The following CNKSR3 variants were observed in gnomAD, a reference collection of about 807,000 sequenced individuals.
The protein encoded by CNKSR3 is CNKSR family member 3.
Under a neutral mutation model 67.7 loss-of-function variants are expected in CNKSR3, and 36 were observed. The ratio of observed to expected loss-of-function variants is 0.53; its 90% CI spans 0.41 to 0.70. The LOEUF is 0.70. CNKSR3 is among the 30% of genes least tolerant of loss of function. CNKSR3 has a pLI of 0.00. For synonymous variants in CNKSR3, 281 were observed against 271.4 expected, an observed-to-expected ratio of 1.04 and a Z score of -0.35; for missense variants, 630 against 695.2, an observed-to-expected ratio of 0.91 and a Z score of 1.05.
At chr6:154,474,495 A>G (rs913938186) in intron 1 of CNKSR3, among the ~76,000 whole-genome samples, 2 of 152,108 alleles carry the variant, frequency 1.3e-5, no homozygotes, top group African/African-American at 4.8e-5. Context: ...TTGTTCTTGG[A>G]ACTAATGGAA....
intron 1 of CNKSR3, among the ~76,000 whole-genome samples, chr6:154,500,270 C>CAA (rs1404721187): frequency 6.7e-6 from 1 of 150,272 alleles, no homozygotes; most frequent in African/African-American, 2.5e-5. Context: ...CACACACACA[C>CAA]ACACACACAC....
intron 1 of CNKSR3, among the ~76,000 whole-genome samples, chr6:154,463,578 G>C (rs1321695317): frequency 6.6e-6 from 1 of 152,124 alleles, no homozygotes; most frequent in East Asian, 1.9e-4. Flanking sequence ...GCCAGCCCTG[G>C]TTACCAGAAT....
chr6:154,466,121 A>C (rs1786192625), intron 1 of CNKSR3, among the ~76,000 whole-genome samples: 1 of 152,234 alleles, frequency 6.6e-6, no homozygotes, highest in Admixed American at 6.5e-5. Flanking sequence ...CTGGAACCAA[A>C]TAACAATATG....
At position 154,510,151 on chromosome 6, in the gene CNKSR3, G is replaced by A. The variant is rs746573640; in HGVS notation, c.-37C>T. 13 of 1,612,930 alleles carry A rather than the reference G, an allele frequency of 8.1e-6. No homozygotes were observed. Among genetic ancestry groups the A allele is most frequent in the Non-Finnish European group, 1.0e-5 (12 of 1,179,122 alleles). On this transcript the variant is annotated 5_prime_UTR_variant, in exon 1 of 13. Transcript: ENST00000607772. ...TCGCCTCTCGCTGGGCTGGAGAGTC[G>A]CAGATAAAGTGCTGCTGCCTGCGCT...
At chr6:154,477,104 T>C (rs1391744116) in intron 1 of CNKSR3, among the ~76,000 whole-genome samples, 1 of 152,204 alleles carries the variant, frequency 6.6e-6, no homozygotes, top group African/African-American at 2.4e-5. Context: ...CTGAAGCCAA[T>C]TTAAGGACCT....
At chr6:154,502,621 T>G (rs1318062214) in intron 1 of CNKSR3, among the ~76,000 whole-genome samples, 5 of 152,292 alleles carry the variant, frequency 3.3e-5, no homozygotes, top group African/African-American at 1.2e-4. Flanking sequence ...CCTCTGGACC[T>G]TGGACAATTC....
chr6:154,496,370 C>A (rs768914292), intron 1 of CNKSR3, among the ~76,000 whole-genome samples: 5 of 151,788 alleles, frequency 3.3e-5, no homozygotes, highest in Non-Finnish European at 7.4e-5. Context: ...TGAATCCAAC[C>A]TTCTCTCCCA....
At chr6:154,441,468 G>A (rs1482051944) in intron 3 of CNKSR3, 89 bp from the exon 4 acceptor site, 2 of 913,498 alleles carry the variant, frequency 2.2e-6, no homozygotes, top group Non-Finnish European at 3.6e-6. Context: ...TACCCCATGG[G>A]CTACTCTAAA....
Position 154,395,618 on chromosome 6 carries a change from T to TG in CNKSR3, c.*10735dup, listed in dbSNP as rs1355069957. 6.6e-6 allele frequency: 1 copy of TG among 152,224 alleles called. No homozygotes were observed. Among genetic ancestry groups the TG allele is most frequent in the Non-Finnish European group, 1.5e-5 (1 of 68,030 alleles). 9.4% of individuals were successfully genotyped at this position (152,224 alleles called of 1,614,324 possible). A position where few individuals can be genotyped will look rare whatever the true frequency, so the allele number is the denominator to read the frequency against. ...TTTCTTGTTCTCAGACTTTTATTAA[T>TG]GCAGTTTGTTGTCTCCAAAAGAGCA... On this transcript the variant is annotated 3_prime_UTR_variant, in exon 13 of 13. Transcript: ENST00000607772.
At chr6:154,471,005 T>C (rs1246696150) in intron 1 of CNKSR3, among the ~76,000 whole-genome samples, 1 of 151,506 alleles carries the variant, frequency 6.6e-6, no homozygotes, top group Non-Finnish European at 1.5e-5. Context: ...TATTATTGTG[T>C]TATCAGATTT....
At chr6:154,479,621 C>G (rs528171800) in intron 1 of CNKSR3, among the ~76,000 whole-genome samples, 2 of 152,172 alleles carry the variant, frequency 1.3e-5, no homozygotes, top group Non-Finnish European at 2.9e-5. Context: ...AATTACTGCA[C>G]ACATCGAGGC....
At position 154,401,791 on chromosome 6, in the gene CNKSR3, A is replaced by G. The variant is rs181422335; in HGVS notation, c.*4563T>C. On this transcript the variant is annotated 3_prime_UTR_variant, in exon 13 of 13. Transcript: ENST00000607772. ...AAACAAGTCAGGCCTACTTCTCCAT[A>G]CCATTCATGCCTATGGTGGCAAAAG... 5 of 152,266 alleles carry G rather than the reference A, an allele frequency of 3.3e-5. No homozygotes were observed. Among genetic ancestry groups the G allele is most frequent in the Admixed American group, 3.3e-4 (5 of 15,304 alleles). 9.4% of individuals were successfully genotyped at this position (152,266 alleles called of 1,614,324 possible).
rs1012425632 is a variant in CNKSR3, at chr6:154,400,950, C to T, written c.*5404G>A. ...AGGCTACAAAATATATATTTAAATT[C>T]CCTTAGGTATTACCAAATGTGTGTT... On this transcript the variant is annotated 3_prime_UTR_variant, in exon 13 of 13. Transcript: ENST00000607772. The T allele has an allele frequency of 6.6e-6, 1 of 152,074 alleles. No individual in the cohort carries two copies. The highest frequency in any genetic ancestry group is 1.5e-5 in the Non-Finnish European group (1 of 68,020). The allele number at this position is 152,074 out of a possible 1,614,324, so 9.4% of individuals were successfully genotyped here. A position where few individuals can be genotyped will look rare whatever the true frequency, so the allele number is the denominator to read the frequency against.
At position 154,394,466 on chromosome 6, in the gene CNKSR3, C is replaced by T. The variant is rs543544272; in HGVS notation, c.*11888G>A. 3.9e-5 allele frequency: 6 copies of T among 152,164 alleles called. No homozygotes were observed. The highest frequency in any genetic ancestry group is 2.0e-4 in the Admixed American group (3 of 15,284). The allele number at this position is 152,164 out of a possible 1,614,324, so 9.4% of individuals were successfully genotyped here. A position where few individuals can be genotyped will look rare whatever the true frequency, so the allele number is the denominator to read the frequency against. ...GAGACACCAGGAGCAACCCAAGTCC[C>T]TGAGTCACTAGCTAGAGGACAGCCA... On this transcript the variant is annotated 3_prime_UTR_variant, in exon 13 of 13. Coordinates refer to ENST00000607772, the MANE Select transcript of CNKSR3 (RefSeq NM_173515.4).
In CNKSR3 at chr6:154,446,417, TAGTTCA is replaced by T. The variant is rs776385916; in HGVS notation, c.216+3672_216+3677del. On this transcript the variant is annotated intron_variant, in intron 2 of 12. Coordinates refer to ENST00000607772, the MANE Select transcript of CNKSR3 (RefSeq NM_173515.4). ...CAATTAAGAGACAACCTAAGAAATA[TAGTTCA>T]CAATTTTCCTAAGGCATTTTTAAAT... Among the ~76,000 whole-genome samples the T allele has an allele frequency of 1.6e-3, 246 of 152,266 alleles. 1 individual carries two copies. The highest frequency in any genetic ancestry group is 2.9e-3 in the Non-Finnish European group (197 of 68,024).
chr6:154,481,531 T>C (rs1184507988), intron 1 of CNKSR3, among the ~76,000 whole-genome samples: 1 of 152,200 alleles, frequency 6.6e-6, no homozygotes, highest in Non-Finnish European at 1.5e-5. Context: ...CTCTTTTAGG[T>C]AGCAACTGGC....
intron 9 of CNKSR3, among the ~76,000 whole-genome samples, chr6:154,415,254 G>A (rs1299490498): frequency 6.3e-5 from 4 of 63,026 alleles, no homozygotes; most frequent in Admixed American, 1.7e-4. Context: ...TTTTTAAGAT[G>A]GAGTCTGCCT....
chr6:154,442,800 C>CG (rs1173409876), intron 2 of CNKSR3, among the ~76,000 whole-genome samples: 1 of 152,172 alleles, frequency 6.6e-6, no homozygotes, highest in African/African-American at 2.4e-5. Flanking sequence ...CACAGCCACC[C>CG]GGGCCTCAGG....
rs757672765 is a variant in CNKSR3, at chr6:154,394,723, A to G, written c.*11631T>C. ...AACAAAGAAACAACAGAAAGGCCCA[A>G]CAAAGGGACCACTGTTCTTTCCTGA... On this transcript the variant is annotated 3_prime_UTR_variant, in exon 13 of 13. Transcript: ENST00000607772. 6.6e-6 allele frequency: 1 copy of G among 152,108 alleles called. No homozygotes were observed. Among genetic ancestry groups the G allele is most frequent in the Non-Finnish European group, 1.5e-5 (1 of 68,014 alleles). 9.4% of individuals were successfully genotyped at this position (152,108 alleles called of 1,614,324 possible). A position where few individuals can be genotyped will look rare whatever the true frequency, so the allele number is the denominator to read the frequency against.
Sources: gnomAD v4.1 joint callset for allele counts (sites outside exome capture counted in the v4.1 genomes callset) on GRCh38, gnomAD v4.1.1 for gene constraint, MANE v1.5 for transcripts, NCBI Gene and HGNC (gene_info 2026-07-23, HGNC 2026-07-21) for gene names.